The following FOCAD variants were observed in gnomAD, a reference collection of about 807,000 sequenced individuals.
FOCAD encodes focadhesin, also known as KIAA1797.
A neutral mutation model predicts 225.6 loss-of-function variants in FOCAD; 198 were observed. That is an observed-to-expected ratio of 0.88 (90% confidence interval 0.78 to 0.99). The LOEUF is 0.99. Among genes scored for constraint, FOCAD ranks in the 50% least tolerant of loss-of-function variants. The pLI, the probability that FOCAD is intolerant of heterozygous loss-of-function variation, is 0.00. For synonymous variants in FOCAD, 897 were observed against 755.0 expected, an observed-to-expected ratio of 1.19 and a Z score of -3.08; for missense variants, 2,713 against 2,123.6, an observed-to-expected ratio of 1.28 and a Z score of -5.46.
chr9:20,926,971 T>C (rs962065721), intron 26 of FOCAD, among the ~76,000 whole-genome samples: 1 of 150,236 alleles, frequency 6.7e-6, no homozygotes, highest in African/African-American at 2.4e-5. Flanking sequence ...ATATTAATGT[T>C]ATATATGTAC....
chr9:20,816,885 A>G (rs1241219494), intron 11 of FOCAD, among the ~76,000 whole-genome samples: 1 of 152,192 alleles, frequency 6.6e-6, no homozygotes, highest in Non-Finnish European at 1.5e-5. Flanking sequence ...TTTAGGCATT[A>G]TAAGTAGTGT....
chr9:20,986,266 A>ATTTTTTTTTTTTTTTCTTTTTTTTTTTTT lies in FOCAD; in HGVS notation c.4729-7_4729-6insCTTTTTTTTTTTTTTTTTTTTTTTTTTTT, dbSNP rs1841145828. The ATTTTTTTTTTTTTTTCTTTTTTTTTTTTT allele has an allele frequency of 3.3e-6, 2 of 606,560 alleles. 1 individual carries two copies. The highest frequency in any genetic ancestry group is 4.2e-6 in the Non-Finnish European group (2 of 477,780). 37.6% of individuals were successfully genotyped at this position (606,560 alleles called of 1,614,324 possible). ...CAGTTAATTTAATAGTAACTAAACAATTTTTTTTTTTTTTTTTGCAGAGCA... is the reference window on the plus strand; with the variant it reads ...CAGTTAATTTAATAGTAACTAAACAATTTTTTTTTTTTTTTCTTTTTTTTTTTTTTTTTTTTTTTTTTTTTTGCAGAGCA... On this transcript the variant is annotated intron_variant, in intron 39 of 43. Transcript: ENST00000338382.
At chr9:20,723,601 A>G (rs2131564893) in intron 4 of FOCAD, among the ~76,000 whole-genome samples, 1 of 152,354 alleles carries the variant, frequency 6.6e-6, no homozygotes, top group African/African-American at 2.4e-5. Context: ...CCCCCTGTGG[A>G]AGACAAACTG....
At chr9:20,793,784 G>A (rs1210335462) in intron 11 of FOCAD, among the ~76,000 whole-genome samples, 1 of 152,162 alleles carries the variant, frequency 6.6e-6, no homozygotes, top group African/African-American at 2.4e-5. Flanking sequence ...GCTGTGAGAG[G>A]GGAATCAGAG....
At chr9:20,854,842 G>A (rs556381466) in intron 15 of FOCAD, among the ~76,000 whole-genome samples, 1 of 151,708 alleles carries the variant, frequency 6.6e-6, no homozygotes, top group Admixed American at 6.6e-5. Context: ...TACATGTTTT[G>A]CCCCTACTAT....
intron 4 of FOCAD, among the ~76,000 whole-genome samples, chr9:20,729,417 C>T (rs1039558887): frequency 2.6e-5 from 4 of 152,046 alleles, no homozygotes; most frequent in Admixed American, 1.3e-4. Context: ...ATAAGGATAC[C>T]GGTTATTGGA....
intron 5 of FOCAD, among the ~76,000 whole-genome samples, chr9:20,743,709 G>C (rs371812268): frequency 6.6e-6 from 1 of 152,192 alleles, no homozygotes; most frequent in East Asian, 1.9e-4. Context: ...TATTCATTCA[G>C]TGGGTTTTGT....
At chr9:20,995,502 T>A in intron 43 of FOCAD, 54 bp from the exon 44 acceptor site, 8 of 1,472,670 alleles carry the variant, frequency 5.4e-6, no homozygotes, top group Non-Finnish European at 7.6e-6. Flanking sequence ...CTGACACCTT[T>A]TTGATCAAAA....
intron 5 of FOCAD, among the ~76,000 whole-genome samples, chr9:20,750,102 G>C (rs562558041): frequency 6.6e-6 from 1 of 152,102 alleles, no homozygotes; most frequent in African/African-American, 2.4e-5. Context: ...TTTCTTCTCT[G>C]AACAGTGTTG....
At chr9:20,657,846 G>A (rs1294400865), upstream of FOCAD, among the ~76,000 whole-genome samples, 1 of 94,948 alleles carries the variant, frequency 1.1e-5, no homozygotes, top group Non-Finnish European at 2.1e-5. Flanking sequence ...TGGAGGAGGA[G>A]AGGCGCTCTG....
chr9:20,822,415 A>G (rs1824427236), intron 14 of FOCAD, among the ~76,000 whole-genome samples: 1 of 152,060 alleles, frequency 6.6e-6, no homozygotes, highest in African/African-American at 2.4e-5. Context: ...ATAGCACAAT[A>G]TATGTGGATT....
intron 14 of FOCAD, among the ~76,000 whole-genome samples, chr9:20,822,785 A>C (rs550540817): frequency 1.3e-5 from 2 of 150,450 alleles, no homozygotes; most frequent in Admixed American, 6.7e-5. Context: ...GGTTATTTCT[A>C]TATAAAAACG....
At chr9:20,753,015 C>A (rs866018244) in intron 5 of FOCAD, among the ~76,000 whole-genome samples, 49 of 151,742 alleles carry the variant, frequency 3.2e-4, no homozygotes, top group Middle Eastern at 3.4e-3. Context: ...ATTTTGTATC[C>A]TGAGACTTTG....
At chr9:20,922,831 G>A (rs1305165715) in intron 24 of FOCAD, among the ~76,000 whole-genome samples, 2 of 152,212 alleles carry the variant, frequency 1.3e-5, no homozygotes, top group African/African-American at 2.4e-5. Context: ...CAAACCTAGA[G>A]CATCTGATTG....
chr9:20,845,427 A>T (rs1471889996), intron 15 of FOCAD, among the ~76,000 whole-genome samples: 1 of 134,592 alleles, frequency 7.4e-6, no homozygotes, highest in Non-Finnish European at 1.6e-5. Context: ...GATATATTTT[A>T]TGCATCTTTT....
Position 20,885,221 on chromosome 9 carries a change from T to G in FOCAD, c.2616T>G (p.Leu872=), listed in dbSNP as rs1221679392. The G allele has an allele frequency of 1.8e-5, 27 of 1,519,698 alleles. No individual in the cohort carries two copies. The highest frequency in any genetic ancestry group is 2.3e-5 in the Non-Finnish European group (26 of 1,131,780). 94.1% of individuals were successfully genotyped at this position (1,519,698 alleles called of 1,614,324 possible). A position where few individuals can be genotyped will look rare whatever the true frequency, so the allele number is the denominator to read the frequency against. Reference sequence around the variant, plus strand: ...GTTTCAAGCAGACTTCACTTGCTCTTGTACATGAGGTAGGTTCCCGTGTCC... The same window carrying G: ...GTTTCAAGCAGACTTCACTTGCTCTGGTACATGAGGTAGGTTCCCGTGTCC... ...GRSFKQTSLA[L]VHEVHIQLSE... Residue 872 remains leucine (L), a synonymous_variant, in exon 21 of 44, where the codon CTT becomes CTG. Coordinates refer to ENST00000338382, the MANE Select transcript of FOCAD (RefSeq NM_001375567.1).
chr9:20,817,342 C>A (rs773505629), intron 11 of FOCAD, among the ~76,000 whole-genome samples: 1 of 152,064 alleles, frequency 6.6e-6, no homozygotes, highest in Non-Finnish European at 1.5e-5. Flanking sequence ...ACCCCATGCC[C>A]ATAAGACGTC....
intron 14 of FOCAD, among the ~76,000 whole-genome samples, chr9:20,822,330 AAAGAT>A (rs1284766392): frequency 6.6e-6 from 1 of 152,078 alleles, no homozygotes; most frequent in African/African-American, 2.4e-5. Context: ...TAATAAAAGA[AAAGAT>A]ATTATTGAAA....
At chr9:20,995,195 C>G (rs910621433) in intron 43 of FOCAD, among the ~76,000 whole-genome samples, 1 of 151,860 alleles carries the variant, frequency 6.6e-6, no homozygotes, top group African/African-American at 2.4e-5. Context: ...AATGGAAATA[C>G]CATATTCATG....
Sources: allele counts gnomAD v4.1 joint callset (sites outside exome capture counted in the v4.1 genomes callset), GRCh38; gene constraint gnomAD v4.1.1; transcripts MANE v1.5; gene names NCBI Gene and HGNC (gene_info 2026-07-23, HGNC 2026-07-21).